The following ARSL variants were observed in gnomAD, a reference collection of about 807,000 sequenced individuals.
The protein encoded by ARSL is arylsulfatase L.
In ARSL, 4 loss-of-function variants were observed where a neutral mutation model predicts 31.1. That is an observed-to-expected ratio of 0.13 (90% CI 0.06 to 0.29). The LOEUF is 0.29. ARSL is among the 10% of genes least tolerant of loss of function. The pLI, the probability that ARSL is intolerant of heterozygous loss-of-function variation, is 1.00. For synonymous variants in ARSL, 198 were observed against 209.9 expected (o/e 0.94, Z 0.49); for missense variants, 312 against 497.8 (o/e 0.63, Z 3.55).
Position 2,955,403 on chromosome X carries a change from AAG to A in ARSL, c.307+11_307+12del, listed in dbSNP as rs769814138. 8.3e-7 allele frequency: 1 copy of A among 1,211,874 alleles called. No homozygotes were observed. The highest frequency in any genetic ancestry group is 2.2e-5 in the Admixed American group (1 of 46,057). ...CAGGCTGCACCCTAGTGCAGTTGTAAAGAGAGACTGACCTGATCGCACAGGGT... is the reference window on the plus strand; with the variant it reads ...CAGGCTGCACCCTAGTGCAGTTGTAAAGAGACTGACCTGATCGCACAGGGT... On this transcript the variant is annotated intron_variant, in intron 4 of 10. Transcript: ENST00000381134.
In ARSL at chrX:2,953,154, G is replaced by C. The variant is rs2089484035; in HGVS notation, c.419C>G (p.Thr140Ser). 1 of 1,208,232 alleles carries C rather than the reference G, an allele frequency of 8.3e-7. No individual in the cohort carries two copies. Among genetic ancestry groups the C allele is most frequent in the Non-Finnish European group, 1.1e-6 (1 of 893,887 alleles). The part of the protein sequence containing the change: ...AKILKEKGYA[T>S]GLIGKWHLGL... ...AAAAACGTACATACCAATGAGTCCA[G>C]TGGCATAGCCTTTCTCTTTCAGTAT... The change falls in exon 5 of 11, where the codon ACT (threonine) becomes AGT (serine). Residue 140 changes from threonine (T) to serine (S), a missense_variant. Thr to Ser is a moderately conservative substitution (Grantham distance 58). Coordinates refer to ENST00000381134, the MANE Select transcript of ARSL (RefSeq NM_000047.3).
intron 8 of ARSL, among the ~76,000 whole-genome samples, chrX:2,942,067 G>T (rs1475555371): frequency 8.9e-6 from 1 of 111,738 alleles, no homozygotes; most frequent in Non-Finnish European, 1.9e-5. Context: ...GTATACAAAG[G>T]CCGGGATGTC....
chrX:2,936,710 T>C, intron 10 of ARSL, 32 bp downstream of exon 10: 2 of 1,209,304 alleles, frequency 1.7e-6, no homozygotes, highest in Non-Finnish European at 2.2e-6. Flanking sequence ...ACTCTTTCCC[T>C]AAGGGTGTTA....
intron 7 of ARSL, among the ~76,000 whole-genome samples, chrX:2,944,118 C>T (rs1454570699): frequency 9.0e-6 from 1 of 110,587 alleles, no homozygotes; most frequent in Non-Finnish European, 1.9e-5. Context: ...AGGCAGGGTG[C>T]AGTGAGCCAC....
intron 2 of ARSL, among the ~76,000 whole-genome samples, chrX:2,960,135 G>GTT (rs2089593922): frequency 6.5e-5 from 5 of 76,706 alleles, no homozygotes; most frequent in Middle Eastern, 5.8e-3. Flanking sequence ...CGGGCGTGGT[G>GTT]GCAGGCGCCT....
rs1040297476 is a variant in ARSL, at chrX:2,949,555, G to A, written c.603C>T (p.Phe201=). 1 of 1,208,927 alleles carries A rather than the reference G, an allele frequency of 8.3e-7. No individual in the cohort carries two copies. The highest frequency in any genetic ancestry group is 1.1e-6 in the Non-Finnish European group (1 of 895,081). ...TGAGGGCAACCAAGGCCAGGACTTG[G>A]AAGAGGAAGTTGAGTTTTTGTTCCA... is the stretch of plus-strand genomic sequence containing the variant. ...VNLEQKLNFL[F]QVLALVALTL... Residue 201 remains phenylalanine (F), a synonymous_variant, in exon 6 of 11, where the codon TTC becomes TTT. Transcript: ENST00000381134.
Position 2,945,913 on chromosome X carries a change from G to C in ARSL, c.991+85C>G. ...CTGCAATCGCTATTCTGCATCTTCT[G>C]TCTTTAACCTTCTCATTCTTTGTTT... On this transcript the variant is annotated intron_variant, in intron 7 of 10. Coordinates refer to ENST00000381134, the MANE Select transcript of ARSL (RefSeq NM_000047.3). 2.6e-6 allele frequency: 3 copies of C among 1,152,162 alleles called. No individual in the cohort carries two copies. In the East Asian group the frequency reaches 9.0e-5, roughly 35 times the overall value. The allele number at this position is 1,152,162 out of a possible 1,213,427, so 95.0% of individuals were successfully genotyped here. A position where few individuals can be genotyped will look rare whatever the true frequency, so the allele number is the denominator to read the frequency against.
chrX:2,947,235 T>C (rs747079596), intron 6 of ARSL, among the ~76,000 whole-genome samples: 18 of 110,861 alleles, frequency 1.6e-4, no homozygotes, highest in Middle Eastern at 9.3e-3. Context: ...ATGCATCTTT[T>C]CCCCCCCGAA....
chrX:2,942,803 C>T (rs937956163), intron 8 of ARSL, among the ~76,000 whole-genome samples: 4 of 111,157 alleles, frequency 3.6e-5, no homozygotes, highest in Non-Finnish European at 7.5e-5. Flanking sequence ...TCCCTGTAAC[C>T]GGTTACAGAA....
At chrX:2,960,164 G>A (rs775483809) in intron 2 of ARSL, among the ~76,000 whole-genome samples, 7 of 84,449 alleles carry the variant, frequency 8.3e-5, no homozygotes, top group East Asian at 3.3e-4. Context: ...AGCTACTCGG[G>A]AGGCTGAGGC....
chrX:2,947,416 G>A (rs188758233), intron 6 of ARSL, among the ~76,000 whole-genome samples: 2 of 112,339 alleles, frequency 1.8e-5, no homozygotes, highest in African/African-American at 6.5e-5. Context: ...CTATCACGTA[G>A]TGAGGATTAG....
chrX:2,948,476 A>C (rs541397159), intron 6 of ARSL, among the ~76,000 whole-genome samples: 1 of 111,367 alleles, frequency 9.0e-6, no homozygotes, highest in South Asian at 3.8e-4. Flanking sequence ...GACTGACCCC[A>C]GAGTAGTAGC....
chrX:2,936,994 G>A, intron 9 of ARSL, 131 bp from the exon 10 acceptor site: 1 of 918,669 alleles, frequency 1.1e-6, no homozygotes, highest in Non-Finnish European at 1.5e-6. Context: ...GAAAGTCTGG[G>A]TGTGAACGCA....
intron 5 of ARSL, among the ~76,000 whole-genome samples, chrX:2,951,820 A>T (rs1264980490): frequency 1.9e-5 from 2 of 102,623 alleles, no homozygotes; most frequent in Non-Finnish European, 3.9e-5. Context: ...AAAAAAGTCT[A>T]TTGGAAAAAA....
At chrX:2,961,586 G>C (rs901439921) in intron 1 of ARSL, among the ~76,000 whole-genome samples, 1 of 111,885 alleles carries the variant, frequency 8.9e-6, no homozygotes, top group Non-Finnish European at 1.9e-5. Context: ...GCCATATCTT[G>C]AAATGGCCCT....
intron 7 of ARSL, among the ~76,000 whole-genome samples, chrX:2,944,838 G>A (rs972011946): frequency 1.8e-5 from 2 of 111,003 alleles, no homozygotes; most frequent in African/African-American, 6.6e-5. Context: ...TCCCCTGGGG[G>A]AAATGGAAAA....
In ARSL at chrX:2,953,247, C is replaced by G. The variant is rs1367254706; in HGVS notation, c.326G>C (p.Gly109Ala). ...TCCGGTCCACTGAAGAACACGGTAA[C>G]CAATGCTGGAAACCATCCCTTTGAG... ...PVRSGMVSSI[G>A]YRVLQWTGAS... is the part of the protein sequence containing the mutation. Residue 109 changes from glycine to alanine, a missense_variant, in exon 5 of 11, where the codon GGT (glycine) becomes GCT (alanine). Coordinates refer to ENST00000381134, the MANE Select transcript of ARSL (RefSeq NM_000047.3). 1 of 1,210,018 alleles carries G rather than the reference C, an allele frequency of 8.3e-7. No homozygotes were observed. The highest frequency in any genetic ancestry group is 1.1e-6 in the Non-Finnish European group (1 of 894,357).
intron 9 of ARSL, 97 bp downstream of exon 9, chrX:2,937,998 G>C: frequency 8.7e-7 from 1 of 1,144,957 alleles, no homozygotes; most frequent in Admixed American, 2.2e-5. Context: ...AACAATTTCA[G>C]GGACGCCTTA....
intron 6 of ARSL, among the ~76,000 whole-genome samples, chrX:2,948,341 G>C (rs146615220): frequency 0.016 from 1,821 of 111,128 alleles, 26 homozygotes; most frequent in African/African-American, 0.051. Flanking sequence ...GCTGAATTCT[G>C]CCAAAAGACA....
Sources: allele counts gnomAD v4.1 joint callset (sites outside exome capture counted in the v4.1 genomes callset), GRCh38; gene constraint gnomAD v4.1.1; transcripts MANE v1.5; gene names NCBI Gene and HGNC (gene_info 2026-07-23, HGNC 2026-07-21).